The following OR2L13 variants were observed in gnomAD, a reference collection of about 807,000 sequenced individuals.
OR2L13 encodes olfactory receptor 2L13.
In OR2L13, 14 loss-of-function variants were observed where a neutral mutation model predicts 15.3. The ratio of observed to expected loss-of-function variants is 0.91; its 90% CI spans 0.60 to 1.43. OR2L13 has a LOEUF of 1.43. OR2L13 is among the 40% of genes most tolerant of loss of function. OR2L13 has a pLI of 0.00. For missense variants in OR2L13, 367 were observed against 387.9 expected (o/e 0.95, Z 0.45); for synonymous variants, 152 against 142.9 (o/e 1.06, Z -0.45).
chr1:248,012,246 G>A, the OR2L13 span, among the ~76,000 whole-genome samples: 2 of 152,142 alleles, frequency 1.3e-5, no homozygotes, highest in Admixed American at 6.6e-5. Context: ...GGTAGGAGAT[G>A]TAAGGGACTG....
At chr1:247,963,756 C>G in the OR2L13 span, among the ~76,000 whole-genome samples, 13 of 152,134 alleles carry the variant, frequency 8.5e-5, no homozygotes, top group Admixed American at 5.2e-4. Context: ...TCTGTCCTCT[C>G]TCTAGTACAA....
At chr1:248,031,156 C>G in the OR2L13 span, among the ~76,000 whole-genome samples, 590 of 152,232 alleles carry the variant, frequency 3.9e-3, 7 homozygotes, top group African/African-American at 0.014. Flanking sequence ...ATTACTGAAA[C>G]AGATGTATAA....
At chr1:247,951,399 C>T in the OR2L13 span, among the ~76,000 whole-genome samples, 120,756 of 151,896 alleles carry the variant, frequency 0.79, 52,362 homozygotes, top group South Asian at 0.95. Flanking sequence ...TTCCAATCCA[C>T]AAGCATTGGA....
the OR2L13 span, among the ~76,000 whole-genome samples, chr1:248,057,670 C>T: frequency 3.3e-5 from 5 of 152,046 alleles, no homozygotes; most frequent in African/African-American, 1.2e-4. Flanking sequence ...TTTAATAGCT[C>T]TAATCAGCAT....
the OR2L13 span, among the ~76,000 whole-genome samples, chr1:248,045,369 A>T: frequency 6.6e-6 from 1 of 152,278 alleles, no homozygotes; most frequent in East Asian, 1.9e-4. Context: ...ACCCTCAGGG[A>T]GAAGTAGCGT....
At chr1:248,017,971 G>A in the OR2L13 span, among the ~76,000 whole-genome samples, 1 of 151,822 alleles carries the variant, frequency 6.6e-6, no homozygotes, top group African/African-American at 2.4e-5. Context: ...GTGAAACCCC[G>A]TCTCTACTAA....
the OR2L13 span, among the ~76,000 whole-genome samples, chr1:247,973,821 C>T: frequency 5.3e-5 from 8 of 152,312 alleles, no homozygotes; most frequent in East Asian, 9.7e-4. Flanking sequence ...AGCTTTTACA[C>T]TACTAATGGG....
chr1:247,990,937 G>A, the OR2L13 span: 2 of 1,471,648 alleles, frequency 1.4e-6, no homozygotes, highest in Non-Finnish European at 1.9e-6. Context: ...TCTCCTTGCT[G>A]TCTACCACAT....
the OR2L13 span, among the ~76,000 whole-genome samples, chr1:248,059,743 A>C: frequency 2.6e-5 from 4 of 152,190 alleles, no homozygotes; most frequent in Admixed American, 2.0e-4. Context: ...TTTAGAAGTA[A>C]ATCTGGCAGA....
At chr1:248,010,951 A>G in the OR2L13 span, among the ~76,000 whole-genome samples, 8 of 151,922 alleles carry the variant, frequency 5.3e-5, no homozygotes, top group South Asian at 4.2e-4. Context: ...GCCCATTTAC[A>G]TTTAAGGTTA....
At chr1:247,952,102 G>A in the OR2L13 span, among the ~76,000 whole-genome samples, 4 of 152,218 alleles carry the variant, frequency 2.6e-5, no homozygotes, top group African/African-American at 9.6e-5. Context: ...AACACTGCCA[G>A]CCTGTCTAGC....
chr1:248,080,866 T>C, the OR2L13 span, among the ~76,000 whole-genome samples: 1 of 152,188 alleles, frequency 6.6e-6, no homozygotes, highest in East Asian at 1.9e-4. Context: ...TTCACACTGG[T>C]TGAACTACTT....
chr1:247,951,658 C>T, the OR2L13 span, among the ~76,000 whole-genome samples: 1 of 152,132 alleles, frequency 6.6e-6, no homozygotes, highest in Non-Finnish European at 1.5e-5. Flanking sequence ...TGTTTTGCTG[C>T]AATGAGCAGT....
the OR2L13 span, among the ~76,000 whole-genome samples, chr1:248,073,470 C>G: frequency 1.3e-5 from 2 of 150,068 alleles, no homozygotes; most frequent in Non-Finnish European, 3.0e-5. Context: ...ACTCTGAGGA[C>G]TGTTGTGGGG....
chr1:248,005,349 G>C, the OR2L13 span, among the ~76,000 whole-genome samples: 1 of 151,944 alleles, frequency 6.6e-6, no homozygotes, highest in Non-Finnish European at 1.5e-5. Context: ...AATTAAATCA[G>C]TTAACTGTAG....
At chr1:248,010,515 G>A in the OR2L13 span, among the ~76,000 whole-genome samples, 1 of 152,034 alleles carries the variant, frequency 6.6e-6, no homozygotes, top group Non-Finnish European at 1.5e-5. Context: ...CTCTAATATT[G>A]ACAATGGGGT....
intron 2 of OR2L13, 89 bp from the exon 3 acceptor site, chr1:248,099,269 C>A: frequency 1.3e-6 from 1 of 760,900 alleles, no homozygotes; most frequent in Non-Finnish European, 2.2e-6. Flanking sequence ...TCTAAACAAA[C>A]ATTGATAAAG....
At chr1:248,076,304 T>C in the OR2L13 span, among the ~76,000 whole-genome samples, 1 of 152,156 alleles carries the variant, frequency 6.6e-6, no homozygotes, top group Non-Finnish European at 1.5e-5. Flanking sequence ...TTGTTCTTTT[T>C]GCTTAGGATT....
the OR2L13 span, among the ~76,000 whole-genome samples, chr1:248,057,493 T>G: frequency 1.3e-5 from 2 of 152,202 alleles, no homozygotes; most frequent in Non-Finnish European, 2.9e-5. Flanking sequence ...GCTTGGTAAA[T>G]TTTTCTCTAT....
Sources: gnomAD v4.1 joint callset for allele counts (sites outside exome capture counted in the v4.1 genomes callset) on GRCh38, gnomAD v4.1.1 for gene constraint, MANE v1.5 for transcripts, NCBI Gene and HGNC (gene_info 2026-07-23, HGNC 2026-07-21) for gene names.